Variants in PRKACB observed in about 807,000 individuals in gnomAD.
The protein encoded by PRKACB is protein kinase cAMP-activated catalytic subunit beta.
PRKACB carries 16 observed loss-of-function variants against 51.4 expected under a neutral mutation model. That is an observed-to-expected ratio of 0.31 (90% CI 0.21 to 0.47). PRKACB has a LOEUF of 0.47. Among genes scored for constraint, PRKACB ranks in the 20% least tolerant of loss-of-function variants. The pLI is 1.00. For missense variants in PRKACB, 309 were observed against 464.5 expected, an observed-to-expected ratio of 0.67 and a Z score of 3.08; for synonymous variants, 147 against 154.4, an observed-to-expected ratio of 0.95 and a Z score of 0.35.
chr1:84,116,797 A>T (rs1650674103), intron 1 of PRKACB, among the ~76,000 whole-genome samples: 1 of 152,120 alleles, frequency 6.6e-6, no homozygotes, highest in Non-Finnish European at 1.5e-5. Flanking sequence ...TCCAATTTCG[A>T]TGCCTTTTAT....
At chr1:84,203,431 C>T (rs1168779591) in intron 8 of PRKACB, among the ~76,000 whole-genome samples, 4 of 151,960 alleles carry the variant, frequency 2.6e-5, no homozygotes, top group Non-Finnish European at 5.9e-5. Flanking sequence ...TTCTTTTGCA[C>T]TTATAACCTC....
intron 1 of PRKACB, among the ~76,000 whole-genome samples, chr1:84,177,449 A>G (rs1436469381): frequency 6.6e-6 from 1 of 152,102 alleles, no homozygotes; most frequent in Admixed American, 6.6e-5. Flanking sequence ...CCAAGAAAAA[A>G]TAACAATTTG....
At position 84,184,029 on chromosome 1, in the gene PRKACB, A is replaced by C; in HGVS notation, c.379-8A>C. On this transcript the variant is annotated splice_region_variant and splice_polypyrimidine_tract_variant and intron_variant, in intron 3 of 9. Transcript: ENST00000370685. ...ATACATTAAGAGATATTTATCTCTC[A>C]ATTACAGGTTGTTAAACTGAAGCAA... 4 of 1,569,856 alleles carry C rather than the reference A, an allele frequency of 2.5e-6. No individual in the cohort carries two copies. Among genetic ancestry groups the C allele is most frequent in the South Asian group, 2.5e-5 (2 of 81,434 alleles).
At chr1:84,129,336 T>C (rs1438774128) in intron 1 of PRKACB, among the ~76,000 whole-genome samples, 1 of 152,156 alleles carries the variant, frequency 6.6e-6, no homozygotes, top group African/African-American at 2.4e-5. Context: ...AATTTGTTTA[T>C]GTATTTGAAA....
intron 1 of PRKACB, among the ~76,000 whole-genome samples, chr1:84,178,170 A>G (rs1307603835): frequency 6.6e-6 from 1 of 152,060 alleles, no homozygotes; most frequent in Non-Finnish European, 1.5e-5. Context: ...AAAATAAAGT[A>G]TGTTTTAAAA....
chr1:84,104,481 C>A (rs955688968), intron 1 of PRKACB, among the ~76,000 whole-genome samples: 2 of 152,174 alleles, frequency 1.3e-5, no homozygotes, highest in South Asian at 4.1e-4. Context: ...TGATTTCCTT[C>A]CGTTTGCATT....
intron 2 of PRKACB, chr1:84,181,776 C>T: frequency 7.4e-7 from 1 of 1,344,488 alleles, no homozygotes; most frequent in Non-Finnish European, 1.0e-6. Flanking sequence ...CTATTCATTA[C>T]AGTTATTTGC....
chr1:84,180,183 G>GATATATATATATATAT (rs3051182), intron 2 of PRKACB, among the ~76,000 whole-genome samples: 2,657 of 31,906 alleles, frequency 0.083, 690 homozygotes, highest in East Asian at 0.12. Context: ...AAGAAACTGT[G>GATATATATATATATAT]ATATATATAT....
Position 84,214,147 on chromosome 1 carries a change from G to T in PRKACB, c.907-6G>T. The T allele has an allele frequency of 1.2e-6, 2 of 1,603,668 alleles. No homozygotes were observed. Among genetic ancestry groups the T allele is most frequent in the Non-Finnish European group, 1.7e-6 (2 of 1,176,096 alleles). On this transcript the variant is annotated splice_polypyrimidine_tract_variant and splice_region_variant and intron_variant, in intron 8 of 9. Coordinates refer to ENST00000370685, the MANE Select transcript of PRKACB (RefSeq NM_182948.4). ...GTGTGTTTTACCAAATGGTGTGTTT[G>T]TGTAGGTCCGATTCCCATCCCACTT... is the stretch of plus-strand genomic sequence containing the variant.
At chr1:84,153,711 C>G (rs1191872634) in intron 1 of PRKACB, among the ~76,000 whole-genome samples, 2 of 152,072 alleles carry the variant, frequency 1.3e-5, no homozygotes, top group Non-Finnish European at 2.9e-5. Context: ...TAATGTCTTC[C>G]AGGTTCATTC....
intron 1 of PRKACB, among the ~76,000 whole-genome samples, chr1:84,177,916 G>A (rs894064706): frequency 1.3e-5 from 2 of 151,898 alleles, no homozygotes; most frequent in Non-Finnish European, 2.9e-5. Context: ...CTTTTTCTCA[G>A]TTTTTCTAAA....
At chr1:84,204,494 G>A in intron 8 of PRKACB, 1 of 1,600,162 alleles carries the variant, frequency 6.2e-7, no homozygotes, top group Non-Finnish European at 8.6e-7. Context: ...CTTTTGATAT[G>A]AACAAAACAA....
intron 1 of PRKACB, among the ~76,000 whole-genome samples, chr1:84,159,855 A>T (rs1038490683): frequency 1.2e-4 from 18 of 152,040 alleles, no homozygotes; most frequent in Non-Finnish European, 2.1e-4. Flanking sequence ...TTGGTTTTAT[A>T]CTTTATTAAT....
intron 9 of PRKACB, among the ~76,000 whole-genome samples, chr1:84,221,464 T>G (rs1480801394): frequency 6.6e-6 from 1 of 152,046 alleles, no homozygotes; most frequent in African/African-American, 2.4e-5. Context: ...TTTTTATTAT[T>G]TCTTTCCTTC....
chr1:84,154,060 A>AT (rs1364341641), intron 1 of PRKACB, among the ~76,000 whole-genome samples: 3 of 152,114 alleles, frequency 2.0e-5, no homozygotes, highest in Non-Finnish European at 4.4e-5. Flanking sequence ...TATAATAGCC[A>AT]TTCTAACAGA....
intron 1 of PRKACB, among the ~76,000 whole-genome samples, chr1:84,146,723 G>A (rs1021677331): frequency 6.6e-6 from 1 of 151,854 alleles, no homozygotes; most frequent in Admixed American, 6.6e-5. Context: ...ATAAACCTTT[G>A]TATAAAGATC....
At chr1:84,149,056 T>C (rs964913837) in intron 1 of PRKACB, among the ~76,000 whole-genome samples, 2 of 152,184 alleles carry the variant, frequency 1.3e-5, no homozygotes, top group African/African-American at 4.8e-5. Flanking sequence ...CTGATTTATA[T>C]GCACATTAAG....
intron 1 of PRKACB, among the ~76,000 whole-genome samples, chr1:84,165,255 A>G (rs954525579): frequency 6.6e-6 from 1 of 151,774 alleles, no homozygotes; most frequent in Admixed American, 6.6e-5. Flanking sequence ...TTATGGTTCG[A>G]TTTATTGTAT....
At chr1:84,205,320 T>A in intron 8 of PRKACB, 1 of 937,310 alleles carries the variant, frequency 1.1e-6, no homozygotes, top group Non-Finnish European at 1.3e-6. Context: ...TGTGTCTCTA[T>A]TCACATTGCA....
Sources: allele counts gnomAD v4.1 joint callset (sites outside exome capture counted in the v4.1 genomes callset), GRCh38; gene constraint gnomAD v4.1.1; transcripts MANE v1.5; gene names NCBI Gene and HGNC (gene_info 2026-07-23, HGNC 2026-07-21).